The following SAMD12 variants were observed in gnomAD, a reference collection of about 807,000 sequenced individuals.
SAMD12 encodes sterile alpha motif domain-containing protein 12.
In SAMD12, 9 loss-of-function variants were observed where a neutral mutation model predicts 15.0. That is an observed-to-expected ratio of 0.60 (90% CI 0.36 to 1.05). The LOEUF is 1.05. SAMD12 is among the 50% of genes least tolerant of loss of function. The probability of loss-of-function intolerance (pLI) is 0.01; values close to 1 mark genes in which losing one functional copy is unlikely to be tolerated. For synonymous variants in SAMD12, 86 were observed against 90.1 expected, an observed-to-expected ratio of 0.96 and a Z score of 0.25; for missense variants, 230 against 234.2, an observed-to-expected ratio of 0.98 and a Z score of 0.12.
At chr8:118,417,287 T>C (rs1036142535) in intron 3 of SAMD12, among the ~76,000 whole-genome samples, 4 of 152,150 alleles carry the variant, frequency 2.6e-5, no homozygotes, top group Non-Finnish European at 5.9e-5. Context: ...TCTCATTATG[T>C]TGCTCAGGGA....
chr8:118,583,325 T>G (rs1827343360), intron 1 of SAMD12, among the ~76,000 whole-genome samples: 1 of 152,176 alleles, frequency 6.6e-6, no homozygotes, highest in African/African-American at 2.4e-5. Flanking sequence ...ATCAATCAGC[T>G]TCTCCATCTC....
chr8:118,231,292 C>T (rs796962671), intron 4 of SAMD12, among the ~76,000 whole-genome samples: 4 of 152,270 alleles, frequency 2.6e-5, no homozygotes, highest in African/African-American at 9.6e-5. Context: ...CAGGTGCTAA[C>T]TCTGGGAGTG....
intron 3 of SAMD12, among the ~76,000 whole-genome samples, chr8:118,404,628 G>C (rs1563834059): frequency 6.6e-6 from 1 of 152,158 alleles, no homozygotes; most frequent in Non-Finnish European, 1.5e-5. Flanking sequence ...TGCCATAAGA[G>C]TTACCAAAGG....
At chr8:118,304,769 T>TAAAC (rs1228514309) in intron 4 of SAMD12, among the ~76,000 whole-genome samples, 2 of 130,384 alleles carry the variant, frequency 1.5e-5, no homozygotes, top group African/African-American at 7.8e-5. Flanking sequence ...CATAAATAAA[T>TAAAC]AAATAAATAA....
chr8:118,463,214 C>G (rs1823487711), intron 2 of SAMD12, among the ~76,000 whole-genome samples: 1 of 151,770 alleles, frequency 6.6e-6, no homozygotes, highest in Non-Finnish European at 1.5e-5. Flanking sequence ...TAGAACTTCC[C>G]AGGTGGTGGG....
At chr8:118,465,111 A>G (rs1823553563) in intron 2 of SAMD12, among the ~76,000 whole-genome samples, 1 of 152,142 alleles carries the variant, frequency 6.6e-6, no homozygotes, top group Non-Finnish European at 1.5e-5. Flanking sequence ...TCTTAAAAGG[A>G]GCAAATATAC....
chr8:118,182,623 T>C, the SAMD12 span, among the ~76,000 whole-genome samples: 2 of 152,172 alleles, frequency 1.3e-5, no homozygotes, highest in Non-Finnish European at 2.9e-5. Flanking sequence ...TAAAAGCTCT[T>C]GAATAAACAT....
At chr8:118,337,929 A>T (rs1586557512) in intron 4 of SAMD12, among the ~76,000 whole-genome samples, 1 of 152,250 alleles carries the variant, frequency 6.6e-6, no homozygotes, top group African/African-American at 2.4e-5. Flanking sequence ...TCTATCCATT[A>T]AATTGTGAAG....
chr8:118,589,369 G>A (rs1220727439), intron 1 of SAMD12, among the ~76,000 whole-genome samples: 5 of 152,152 alleles, frequency 3.3e-5, no homozygotes, highest in Non-Finnish European at 5.9e-5. Flanking sequence ...TGGTTTACTT[G>A]TCTACAGAAA....
At chr8:118,251,676 A>G (rs1378348898) in intron 4 of SAMD12, among the ~76,000 whole-genome samples, 1 of 152,100 alleles carries the variant, frequency 6.6e-6, no homozygotes, top group Non-Finnish European at 1.5e-5. Flanking sequence ...CCTGTACAAA[A>G]TTGGGTCCAG....
At chr8:118,329,691 G>A (rs368882274) in intron 4 of SAMD12, among the ~76,000 whole-genome samples, 2 of 152,282 alleles carry the variant, frequency 1.3e-5, no homozygotes, top group Admixed American at 1.3e-4. Flanking sequence ...TCATCTGAAT[G>A]GGTCATTGCT....
At chr8:118,229,744 C>G (rs1206911147) in intron 4 of SAMD12, among the ~76,000 whole-genome samples, 1 of 152,172 alleles carries the variant, frequency 6.6e-6, no homozygotes, top group Non-Finnish European at 1.5e-5. Context: ...TCTCTCCAGT[C>G]TCCCCCTTCA....
intron 3 of SAMD12, among the ~76,000 whole-genome samples, chr8:118,403,311 G>A (rs1354780208): frequency 1.3e-5 from 2 of 151,908 alleles, no homozygotes; most frequent in African/African-American, 4.8e-5. Context: ...GGGGAATAAA[G>A]TCTGATATAC....
intron 4 of SAMD12, among the ~76,000 whole-genome samples, chr8:118,255,096 G>A (rs892972252): frequency 6.6e-6 from 1 of 151,926 alleles, no homozygotes; most frequent in Non-Finnish European, 1.5e-5. Context: ...CATAGCTTAA[G>A]CCGCATCACT....
At chr8:118,431,618 T>C (rs1173072890) in intron 3 of SAMD12, among the ~76,000 whole-genome samples, 1 of 152,108 alleles carries the variant, frequency 6.6e-6, no homozygotes, top group Non-Finnish European at 1.5e-5. Context: ...ATCTTTTCTC[T>C]GGAACTAAGG....
intron 4 of SAMD12, among the ~76,000 whole-genome samples, chr8:118,233,782 A>G (rs889357324): frequency 3.3e-5 from 5 of 152,210 alleles, no homozygotes; most frequent in African/African-American, 1.2e-4. Context: ...AAAGGCCCAC[A>G]TAGCACTTTT....
chr8:118,439,684 G>A (rs1822674767), intron 3 of SAMD12, 148 bp downstream of exon 3: 1 of 705,498 alleles, frequency 1.4e-6, no homozygotes, highest in Admixed American at 2.3e-5. Context: ...TGGCTCACAT[G>A]GATCTGGAAT....
At chr8:118,386,289 C>T (rs930946233) in intron 3 of SAMD12, among the ~76,000 whole-genome samples, 1 of 152,134 alleles carries the variant, frequency 6.6e-6, no homozygotes, top group East Asian at 1.9e-4. Flanking sequence ...TCTGTTTCTG[C>T]CAGCTGCCAG....
chr8:118,361,158 T>C (rs1285782990), intron 4 of SAMD12, among the ~76,000 whole-genome samples: 1 of 152,226 alleles, frequency 6.6e-6, no homozygotes, highest in African/African-American at 2.4e-5. Context: ...GAGTCCCCAC[T>C]ATACAATCTC....
Sources: gnomAD v4.1 joint callset for allele counts (sites outside exome capture counted in the v4.1 genomes callset) on GRCh38, gnomAD v4.1.1 for gene constraint, MANE v1.5 for transcripts, NCBI Gene and HGNC (gene_info 2026-07-23, HGNC 2026-07-21) for gene names.